The following GPC5 variants were observed in gnomAD, a reference collection of about 807,000 sequenced individuals.
GPC5 encodes the protein glypican-5.
In GPC5, 47 loss-of-function variants were observed where a neutral mutation model predicts 53.9. The observed-to-expected ratio is 0.87, with a 90% CI of 0.69 to 1.11. The LOEUF (loss-of-function observed/expected upper bound fraction) is 1.11. GPC5 is among the 50% of genes most tolerant of loss of function. GPC5 has a pLI of 0.00. For synonymous variants in GPC5, 286 were observed against 263.3 expected (o/e 1.09, Z -0.84); for missense variants, 748 against 713.1 (o/e 1.05, Z -0.56).
At chr13:91,997,868 A>G (rs1169027872) in intron 6 of GPC5, among the ~76,000 whole-genome samples, 1 of 152,150 alleles carries the variant, frequency 6.6e-6, no homozygotes, top group African/African-American at 2.4e-5. Context: ...ATTTGCTCAA[A>G]TGTAGTTATT....
chr13:92,702,824 G>GA (rs1374199730), intron 7 of GPC5, among the ~76,000 whole-genome samples: 1 of 151,956 alleles, frequency 6.6e-6, no homozygotes, highest in East Asian at 1.9e-4. Context: ...AACTCTATGT[G>GA]ATCTCCACTC....
At chr13:92,831,859 A>C (rs528776411) in intron 7 of GPC5, among the ~76,000 whole-genome samples, 4 of 152,104 alleles carry the variant, frequency 2.6e-5, no homozygotes, top group Non-Finnish European at 5.9e-5. Flanking sequence ...TTACCCTTAC[A>C]ATTTATGTGC....
At chr13:92,794,878 T>C (rs1394512836) in intron 7 of GPC5, among the ~76,000 whole-genome samples, 2 of 151,822 alleles carry the variant, frequency 1.3e-5, no homozygotes, top group East Asian at 3.9e-4. Context: ...CTCAATGAAA[T>C]AAAAAAGGAC....
intron 7 of GPC5, among the ~76,000 whole-genome samples, chr13:92,723,775 A>G (rs899531841): frequency 6.6e-6 from 1 of 151,632 alleles, no homozygotes; most frequent in South Asian, 2.1e-4. Flanking sequence ...GTTACTGCCT[A>G]TTTCTAGGAC....
chr13:92,755,882 G>A (rs1372162577), intron 7 of GPC5, among the ~76,000 whole-genome samples: 1 of 146,144 alleles, frequency 6.8e-6, no homozygotes, highest in Non-Finnish European at 1.5e-5. Flanking sequence ...TGGATTCACA[G>A]CCGAATTCTA....
chr13:92,745,775 C>T (rs190345389), intron 7 of GPC5, among the ~76,000 whole-genome samples: 25 of 151,962 alleles, frequency 1.6e-4, no homozygotes, highest in African/African-American at 1.9e-4. Context: ...TTCAAAATTT[C>T]GAAACTAATA....
intron 6 of GPC5, among the ~76,000 whole-genome samples, chr13:92,136,477 T>G (rs370372875): frequency 2.0e-5 from 3 of 152,196 alleles, no homozygotes; most frequent in African/African-American, 7.2e-5. Context: ...CTGGCAACAC[T>G]AATTTTCACC....
At chr13:91,763,759 G>A (rs953910022) in intron 5 of GPC5, among the ~76,000 whole-genome samples, 1 of 152,016 alleles carries the variant, frequency 6.6e-6, no homozygotes, top group Non-Finnish European at 1.5e-5. Context: ...TTCATTGATA[G>A]TCCCTAAGTA....
intron 6 of GPC5, among the ~76,000 whole-genome samples, chr13:91,991,218 G>T (rs186249024): frequency 6.5e-4 from 99 of 152,222 alleles, no homozygotes; most frequent in Non-Finnish European, 1.0e-3. Context: ...ACCTTTCACA[G>T]CCCTCCTTGT....
chr13:92,227,347 T>C (rs549579516), intron 7 of GPC5, among the ~76,000 whole-genome samples: 7 of 152,232 alleles, frequency 4.6e-5, no homozygotes, highest in Admixed American at 1.3e-4. Context: ...ATTAGGTGAA[T>C]ATTCCCCAGA....
chr13:91,519,665 C>G (rs1039748472), intron 2 of GPC5, among the ~76,000 whole-genome samples: 6 of 152,108 alleles, frequency 3.9e-5, no homozygotes, highest in African/African-American at 1.4e-4. Context: ...ATTATCCAGT[C>G]TCAGGTATGT....
intron 7 of GPC5, among the ~76,000 whole-genome samples, chr13:92,549,922 A>AC (rs1566288685): frequency 4.6e-5 from 5 of 109,268 alleles, no homozygotes; most frequent in East Asian, 2.4e-4. Flanking sequence ...CACACACACA[A>AC]TTCTTTTTTG....
At position 92,844,119 on chromosome 13, in the gene GPC5, A is replaced by G. The variant is rs918881169; in HGVS notation, c.1562-22163A>G. ...AAGAAGCAGATTTGATTGATTTTGT[A>G]AGTGACAGTTACTTCTTGCTATCTT... On this transcript the variant is annotated intron_variant, in intron 7 of 7. Coordinates refer to ENST00000377067, the MANE Select transcript of GPC5 (RefSeq NM_004466.6). 4.6e-5 allele frequency among the ~76,000 whole-genome samples: 7 copies of G among 152,074 alleles called. No individual in the cohort carries two copies. The East Asian group carries it at 5.8e-4, about 13-fold the overall frequency.
Position 92,320,532 on chromosome 13 carries a change from A to G in GPC5, c.1561+175543A>G, listed in dbSNP as rs1284904308. Among the ~76,000 whole-genome samples, 9 of 152,292 alleles carry G rather than the reference A, an allele frequency of 5.9e-5. No individual in the cohort carries two copies. In the East Asian group the frequency reaches 1.5e-3, roughly 26 times the overall value. On this transcript the variant is annotated intron_variant, in intron 7 of 7. Coordinates refer to ENST00000377067, the MANE Select transcript of GPC5 (RefSeq NM_004466.6). ...GCTTTGTTTAAAAGGCCATATAAAT[A>G]TAGTCATTCCTTTAGTACACAGTGT...
chr13:91,426,706 G>T (rs536246092), intron 1 of GPC5, among the ~76,000 whole-genome samples: 111 of 152,290 alleles, frequency 7.3e-4, no homozygotes, highest in African/African-American at 2.6e-3. Context: ...AGCCTGTCTA[G>T]TCCTTCCATA....
At chr13:91,925,239 A>G in intron 6 of GPC5, among the ~76,000 whole-genome samples, 1 of 152,312 alleles carries the variant, frequency 6.6e-6, no homozygotes, top group Non-Finnish European at 1.5e-5. Context: ...GAAAAATATT[A>G]AATATATATT....
chr13:92,498,504 C>T (rs1424299600), intron 7 of GPC5, among the ~76,000 whole-genome samples: 4 of 152,168 alleles, frequency 2.6e-5, no homozygotes, highest in Non-Finnish European at 1.5e-5. Flanking sequence ...TCACCACTTA[C>T]AGATGTTTCT....
intron 6 of GPC5, among the ~76,000 whole-genome samples, chr13:92,039,174 T>C (rs1397769062): frequency 1.3e-5 from 2 of 152,226 alleles, no homozygotes; most frequent in Non-Finnish European, 2.9e-5. Context: ...GGTCATTCTG[T>C]CTGAAGATTG....
intron 7 of GPC5, among the ~76,000 whole-genome samples, chr13:92,381,305 T>C (rs999890335): frequency 1.3e-5 from 2 of 152,208 alleles, no homozygotes; most frequent in African/African-American, 4.8e-5. Flanking sequence ...GTGCTTGATT[T>C]CCTGCATTGA....
Sources: gnomAD v4.1 joint callset for allele counts (sites outside exome capture counted in the v4.1 genomes callset) on GRCh38, gnomAD v4.1.1 for gene constraint, MANE v1.5 for transcripts, NCBI Gene and HGNC (gene_info 2026-07-23, HGNC 2026-07-21) for gene names.